ZBTB16: variants seen among roughly 807,000 people sequenced by gnomAD.
ZBTB16 encodes zinc finger and BTB domain containing 16.
Under a neutral mutation model 56.8 loss-of-function variants are expected in ZBTB16, and 8 were observed. That is an observed-to-expected ratio of 0.14 (90% CI 0.08 to 0.25). ZBTB16 has a LOEUF of 0.25. Among genes scored for constraint, ZBTB16 ranks in the 10% least tolerant of loss-of-function variants. The probability of loss-of-function intolerance (pLI) is 1.00; values close to 1 mark genes in which losing one functional copy is unlikely to be tolerated. For missense variants in ZBTB16, 625 were observed against 903.0 expected (o/e 0.69, Z 3.95); for synonymous variants, 363 against 368.5 (o/e 0.98, Z 0.17).
At chr11:114,233,690 G>T (rs1200836426) in intron 4 of ZBTB16, among the ~76,000 whole-genome samples, 1 of 149,962 alleles carries the variant, frequency 6.7e-6, no homozygotes, top group Non-Finnish European at 1.5e-5. Flanking sequence ...TCTTGGGCTG[G>T]TTTGTTGGAG....
At chr11:114,084,191 A>AT (rs1214426076) in intron 2 of ZBTB16, among the ~76,000 whole-genome samples, 3 of 151,584 alleles carry the variant, frequency 2.0e-5, no homozygotes, top group South Asian at 2.1e-4. Flanking sequence ...TATTTATTTC[A>AT]TTTTTTGGTG....
Position 114,156,452 on chromosome 11 carries a change from A to T in ZBTB16, c.1366+18A>T, listed in dbSNP as rs182180285. On this transcript the variant is annotated intron_variant, in intron 3 of 6. Transcript: ENST00000335953. Reference sequence around the variant, plus strand: ...TCATTCAGGTAGGCAAGTTCGCCTTAGTGGCCCGTTCAGATACAGGCAACC... The same window carrying T: ...TCATTCAGGTAGGCAAGTTCGCCTTTGTGGCCCGTTCAGATACAGGCAACC... The T allele has an allele frequency of 9.3e-6, 15 of 1,612,652 alleles. No individual in the cohort carries two copies. The Admixed American group carries it at 2.0e-4, about 21-fold the overall frequency.
In ZBTB16 at chr11:114,175,315, T is replaced by C. The variant is rs1325548964; in HGVS notation, c.1367-11637T>C. On this transcript the variant is annotated intron_variant, in intron 3 of 6. Transcript: ENST00000335953. ...TCACAATGCTGCTGCTGCCATAGTG[T>C]TGACAGTCATCACAATAAAAATACT... 4.6e-5 allele frequency among the ~76,000 whole-genome samples: 7 copies of C among 152,214 alleles called. No homozygotes were observed. The East Asian group carries it at 1.3e-3, about 29-fold the overall frequency.
At chr11:114,214,715 T>TGG (rs1313430565) in intron 4 of ZBTB16, among the ~76,000 whole-genome samples, 1 of 152,240 alleles carries the variant, frequency 6.6e-6, no homozygotes, top group African/African-American at 2.4e-5. Context: ...GCGATTCTCA[T>TGG]ACTTTAGCCT....
intron 2 of ZBTB16, among the ~76,000 whole-genome samples, chr11:114,137,932 C>T (rs1941839094): frequency 6.6e-6 from 1 of 152,210 alleles, no homozygotes; most frequent in Non-Finnish European, 1.5e-5. Context: ...CCATGCTGTG[C>T]ATCGGTGAGA....
chr11:114,209,515 G>A, intron 4 of ZBTB16: 1 of 985,364 alleles, frequency 1.0e-6, no homozygotes, highest in Non-Finnish European at 1.2e-6. Context: ...GAAAGCCATT[G>A]TGCTCCCTCC....
At chr11:114,161,133 AC>A (rs1942578019) in intron 3 of ZBTB16, among the ~76,000 whole-genome samples, 1 of 152,156 alleles carries the variant, frequency 6.6e-6, no homozygotes, top group South Asian at 2.1e-4. Context: ...CCATGCAGAG[AC>A]CACAGACACA....
At position 114,250,367 on chromosome 11, in the gene ZBTB16, C is replaced by T; in HGVS notation, c.1834C>T (p.Arg612Trp). ...FECKLCHQRS[R>W]DYSAMIKHLR... is the part of the protein sequence containing the mutation. ...GTGTAAGCTCTGCCACCAGCGCTCC[C>T]GGGACTACTCGGCCATGATCAAGCA... The change falls in exon 7 of 7, where the codon CGG (arginine) becomes TGG (tryptophan). Residue 612 changes from arginine (R) to tryptophan (W), a missense_variant. By Grantham distance (101) the Arg-to-Trp change is moderately radical. Transcript: ENST00000335953. The surrounding 1 kb of genome is among the most constrained non-coding windows in gnomAD (Gnocchi z 6.0). The T allele has an allele frequency of 6.2e-7, 1 of 1,613,816 alleles. No individual in the cohort carries two copies. The highest frequency in any genetic ancestry group is 8.5e-7 in the Non-Finnish European group (1 of 1,180,032).
chr11:114,133,423 C>T (rs192438985), intron 2 of ZBTB16, among the ~76,000 whole-genome samples: 307 of 152,286 alleles, frequency 2.0e-3, no homozygotes, highest in African/African-American at 7.1e-3. Context: ...GCCCACTAGC[C>T]GCTGAGTGGA....
At chr11:114,186,827 C>T in intron 3 of ZBTB16, 125 bp from the exon 4 acceptor site, 1 of 849,500 alleles carries the variant, frequency 1.2e-6, no homozygotes, top group Non-Finnish European at 2.0e-6. Context: ...GATGATCCCT[C>T]ACTCAGGATT....
intron 2 of ZBTB16, among the ~76,000 whole-genome samples, chr11:114,134,335 C>T (rs750643547): frequency 1.1e-4 from 17 of 151,950 alleles, no homozygotes; most frequent in Non-Finnish European, 2.2e-4. Context: ...ATGACAGCTT[C>T]GTACTGGGCC....
intron 4 of ZBTB16, among the ~76,000 whole-genome samples, chr11:114,227,887 A>G (rs1944362146): frequency 2.6e-5 from 4 of 152,202 alleles, no homozygotes; most frequent in African/African-American, 9.7e-5. Flanking sequence ...TGCATTTTTA[A>G]CCATTTTAAG....
Position 114,256,470 on chromosome 11 carries a change from C to A in ZBTB16, c.*5915C>A, listed in dbSNP as rs552703942. Among the ~76,000 whole-genome samples, 1 of 152,224 alleles carries A rather than the reference C, an allele frequency of 6.6e-6. No homozygotes were observed. Among genetic ancestry groups the A allele is most frequent in the East Asian group, 1.9e-4 (1 of 5,200 alleles). ...GAGCAGCAGTCAGAACTCCATCCAC[C>A]TCTCCTGATACCAGGCCAGGTTCCT... On this transcript the variant is annotated 3_prime_UTR_variant, in exon 7 of 7. Coordinates refer to ENST00000335953, the MANE Select transcript of ZBTB16 (RefSeq NM_006006.6).
At chr11:114,228,286 G>A (rs1038800503) in intron 4 of ZBTB16, among the ~76,000 whole-genome samples, 1 of 152,178 alleles carries the variant, frequency 6.6e-6, no homozygotes, top group Non-Finnish European at 1.5e-5. Flanking sequence ...ATATTTTTGC[G>A]GGAGTGGCTT....
intron 3 of ZBTB16, among the ~76,000 whole-genome samples, chr11:114,159,929 G>A (rs71477232): frequency 0.043 from 6,035 of 140,462 alleles, 277 homozygotes; most frequent in Admixed American, 0.1. Flanking sequence ...AACCCTGGGC[G>A]GGGGAGGCGG....
chr11:114,174,092 C>T (rs1943042520), intron 3 of ZBTB16, among the ~76,000 whole-genome samples: 1 of 152,158 alleles, frequency 6.6e-6, no homozygotes. Context: ...ACATGACTTC[C>T]ACTTTGTAGA....
At chr11:114,115,545 C>G (rs61904451) in intron 2 of ZBTB16, among the ~76,000 whole-genome samples, 1 of 152,156 alleles carries the variant, frequency 6.6e-6, no homozygotes, top group South Asian at 2.1e-4. Context: ...GAAGTTCCCG[C>G]GCTGTGCCTC....
At chr11:114,146,805 C>T (rs558107031) in intron 2 of ZBTB16, among the ~76,000 whole-genome samples, 6 of 149,802 alleles carry the variant, frequency 4.0e-5, no homozygotes, top group South Asian at 2.1e-4. Context: ...GTCGAGATCA[C>T]GCCACTGCAC....
At chr11:114,222,634 G>A (rs1432178787) in intron 4 of ZBTB16, among the ~76,000 whole-genome samples, 2 of 152,128 alleles carry the variant, frequency 1.3e-5, no homozygotes, top group African/African-American at 4.8e-5. Context: ...CCAGGACTGA[G>A]AGCAACTCAC....
Sources: allele counts gnomAD v4.1 joint callset (sites outside exome capture counted in the v4.1 genomes callset), GRCh38; gene constraint gnomAD v4.1.1; non-coding constraint Gnocchi (gnomAD v3.1); transcripts MANE v1.5; gene names NCBI Gene and HGNC (gene_info 2026-07-23, HGNC 2026-07-21).